SYN3: variants seen among roughly 807,000 people sequenced by gnomAD.
SYN3 encodes the protein synapsin III, also known as synapsin-3.
In SYN3, 35 loss-of-function variants were observed where a neutral mutation model predicts 65.8. The ratio of observed to expected loss-of-function variants is 0.53; its 90% CI spans 0.41 to 0.70. The LOEUF is 0.70. Ranked by LOEUF, SYN3 falls within the 30% of genes least tolerant of loss-of-function variation. SYN3 has a pLI of 0.00. For missense variants in SYN3, 680 were observed against 749.0 expected (o/e 0.91, Z 1.08); for synonymous variants, 270 against 292.9 (o/e 0.92, Z 0.80).
intron 7 of SYN3, among the ~76,000 whole-genome samples, chr22:32,558,171 C>T (rs1399859356): frequency 1.3e-5 from 2 of 152,204 alleles, no homozygotes; most frequent in African/African-American, 4.8e-5. Flanking sequence ...AGATTGGCCC[C>T]TCTCCTTCCT....
At chr22:32,878,659 T>A (rs1188151770) in intron 4 of SYN3, among the ~76,000 whole-genome samples, 1 of 152,248 alleles carries the variant, frequency 6.6e-6, no homozygotes, top group Non-Finnish European at 1.5e-5. Flanking sequence ...CACATAAGAA[T>A]ATCCTTCATT....
Position 32,965,539 on chromosome 22 carries a change from C to T in SYN3, c.369+15106G>A, listed in dbSNP as rs1019997467. Among the ~76,000 whole-genome samples the T allele has an allele frequency of 9.1e-4, 95 of 104,474 alleles. 1 individual carries two copies. Among genetic ancestry groups the T allele is most frequent in the African/African-American group, 2.9e-3 (84 of 28,724 alleles). The allele number at this position is 104,474 out of a possible 152,430, so 68.5% of individuals were successfully genotyped here. The stretch of plus-strand genomic sequence containing the variant: ...CTTCTAACAGTTTGTAATTATGGTG[C>T]GTACGTGTGTGTGTGTGTGTGTGTG... On this transcript the variant is annotated intron_variant, in intron 3 of 13. Coordinates refer to ENST00000358763, the MANE Select transcript of SYN3 (RefSeq NM_003490.4).
chr22:32,762,072 T>C (rs71313140), intron 6 of SYN3, among the ~76,000 whole-genome samples: 3,572 of 152,322 alleles, frequency 0.023, 58 homozygotes, highest in Non-Finnish European at 0.04. Flanking sequence ...GAGGGTGCCA[T>C]CTTCCTGAAG....
At chr22:33,037,320 G>A (rs999507636) in intron 1 of SYN3, among the ~76,000 whole-genome samples, 21 of 152,102 alleles carry the variant, frequency 1.4e-4, no homozygotes, top group African/African-American at 4.1e-4. Context: ...TCCAAAGTCT[G>A]AGCTCCTTTC....
intron 6 of SYN3, among the ~76,000 whole-genome samples, chr22:32,705,353 T>A (rs1439310986): frequency 2.0e-5 from 3 of 152,226 alleles, no homozygotes; most frequent in Non-Finnish European, 1.5e-5. Context: ...TTATCAAAGA[T>A]CAGATGGTTA....
intron 7 of SYN3, among the ~76,000 whole-genome samples, chr22:32,593,778 T>G (rs1306232222): frequency 6.6e-6 from 1 of 152,138 alleles, no homozygotes; most frequent in Non-Finnish European, 1.5e-5. Flanking sequence ...TCTGTTGGCA[T>G]GCAGATGGCA....
At chr22:32,751,940 T>C (rs1203205161) in intron 6 of SYN3, among the ~76,000 whole-genome samples, 1 of 152,200 alleles carries the variant, frequency 6.6e-6, no homozygotes, top group Non-Finnish European at 1.5e-5. Context: ...TTTTAAAGCA[T>C]AAATGATCCT....
chr22:33,046,026 G>GT (rs2054058137), intron 1 of SYN3, among the ~76,000 whole-genome samples: 1 of 151,724 alleles, frequency 6.6e-6, no homozygotes, highest in Non-Finnish European at 1.5e-5. Context: ...CAAAAAACGT[G>GT]TAATAGACCT....
chr22:32,563,959 G>A (rs2058622574), intron 7 of SYN3, among the ~76,000 whole-genome samples: 1 of 152,288 alleles, frequency 6.6e-6, no homozygotes, highest in East Asian at 1.9e-4. Context: ...ATGAGCCACT[G>A]CGCCCGGCCC....
At chr22:32,621,570 G>A (rs980155917) in intron 6 of SYN3, among the ~76,000 whole-genome samples, 3 of 152,108 alleles carry the variant, frequency 2.0e-5, no homozygotes, top group East Asian at 3.9e-4. Flanking sequence ...GCTTGGGGGT[G>A]AGAAAAGGCA....
At chr22:32,719,219 A>T (rs1426496775) in intron 6 of SYN3, among the ~76,000 whole-genome samples, 3 of 152,116 alleles carry the variant, frequency 2.0e-5, no homozygotes, top group Non-Finnish European at 2.9e-5. Flanking sequence ...GACTTCACCA[A>T]CGGTAAGGTA....
chr22:32,935,692 T>A (rs1258004601), intron 3 of SYN3, among the ~76,000 whole-genome samples: 1 of 152,178 alleles, frequency 6.6e-6, no homozygotes, highest in Non-Finnish European at 1.5e-5. Flanking sequence ...CTCAGGGCGA[T>A]CCACCCGCCT....
At chr22:32,637,630 CTTTTTTTTTTTTTTT>C (rs1185407986) in intron 6 of SYN3, among the ~76,000 whole-genome samples, 2 of 93,562 alleles carry the variant, frequency 2.1e-5, no homozygotes, top group African/African-American at 8.7e-5. Context: ...TTTTCTTTTT[CTTTTTTTTTTTTTTT>C]TTTTTTTTTT....
At chr22:32,823,473 C>A (rs115789005) in intron 6 of SYN3, among the ~76,000 whole-genome samples, 1 of 152,076 alleles carries the variant, frequency 6.6e-6, no homozygotes, top group Non-Finnish European at 1.5e-5. Context: ...TGCAGTGGGC[C>A]GTCTGTGTCC....
At chr22:32,890,045 T>C (rs1041264452) in intron 4 of SYN3, among the ~76,000 whole-genome samples, 1 of 150,708 alleles carries the variant, frequency 6.6e-6, no homozygotes, top group Non-Finnish European at 1.5e-5. Flanking sequence ...CTCCATTTGT[T>C]CTTGGGTAAT....
chr22:32,996,867 G>A (rs1026235459), intron 2 of SYN3, among the ~76,000 whole-genome samples: 2 of 152,224 alleles, frequency 1.3e-5, no homozygotes, highest in African/African-American at 2.4e-5. Context: ...TGCCTGGCTC[G>A]AGGTGGGGCG....
At chr22:33,048,485 A>T (rs1027111970) in intron 1 of SYN3, among the ~76,000 whole-genome samples, 6 of 152,146 alleles carry the variant, frequency 3.9e-5, no homozygotes, top group Admixed American at 6.5e-5. Flanking sequence ...ATGGGGGTGG[A>T]TCCCTCATGA....
intron 6 of SYN3, among the ~76,000 whole-genome samples, chr22:32,721,132 C>T (rs938899197): frequency 1.3e-5 from 2 of 152,206 alleles, no homozygotes; most frequent in African/African-American, 4.8e-5. Context: ...AACCCATTTA[C>T]ACCCTTGAGA....
At chr22:32,654,149 C>T (rs2060110553) in intron 6 of SYN3, among the ~76,000 whole-genome samples, 1 of 152,206 alleles carries the variant, frequency 6.6e-6, no homozygotes, top group Admixed American at 6.5e-5. Flanking sequence ...CAAGGTAAGT[C>T]GGCCCAGAGC....
Sources: allele counts gnomAD v4.1 joint callset (sites outside exome capture counted in the v4.1 genomes callset), GRCh38; gene constraint gnomAD v4.1.1; transcripts MANE v1.5; gene names NCBI Gene and HGNC (gene_info 2026-07-23, HGNC 2026-07-21).